Variants in ARHGAP10 observed in about 807,000 individuals in gnomAD.
ARHGAP10 encodes the protein rho GTPase-activating protein 10.
Under a neutral mutation model 108.6 loss-of-function variants are expected in ARHGAP10, and 87 were observed. The ratio of observed to expected loss-of-function variants is 0.80; its 90% CI spans 0.67 to 0.96. ARHGAP10 has a LOEUF of 0.96. Among genes scored for constraint, ARHGAP10 ranks in the 40% least tolerant of loss-of-function variants. The pLI is 0.00. For missense variants in ARHGAP10, 939 were observed against 954.5 expected (o/e 0.98, Z 0.21); for synonymous variants, 347 against 341.1 (o/e 1.02, Z -0.19).
At chr4:147,767,532 C>T (rs954513417) in intron 1 of ARHGAP10, among the ~76,000 whole-genome samples, 17 of 152,038 alleles carry the variant, frequency 1.1e-4, no homozygotes, top group Non-Finnish European at 1.2e-4. Flanking sequence ...ATAAAGAAGA[C>T]TGAGCCTATA....
At chr4:147,798,800 T>C (rs929514145) in intron 1 of ARHGAP10, among the ~76,000 whole-genome samples, 5 of 119,588 alleles carry the variant, frequency 4.2e-5, no homozygotes, top group Non-Finnish European at 8.7e-5. Flanking sequence ...TATATATATA[T>C]ATATATATAT....
At chr4:147,775,134 T>C (rs971872821) in intron 1 of ARHGAP10, among the ~76,000 whole-genome samples, 2 of 152,046 alleles carry the variant, frequency 1.3e-5, no homozygotes, top group Non-Finnish European at 1.5e-5. Context: ...AGGCTGGTCT[T>C]GAACTCCTGA....
chr4:147,922,115 CAGAA>C (rs1410077017), intron 13 of ARHGAP10, among the ~76,000 whole-genome samples: 1 of 151,870 alleles, frequency 6.6e-6, no homozygotes, highest in Non-Finnish European at 1.5e-5. Flanking sequence ...TGTGGGGTGT[CAGAA>C]GGAAGGAATT....
At chr4:147,924,199 A>G (rs1390100331) in intron 13 of ARHGAP10, among the ~76,000 whole-genome samples, 1 of 152,158 alleles carries the variant, frequency 6.6e-6, no homozygotes, top group Non-Finnish European at 1.5e-5. Context: ...TTGTTTCCAA[A>G]TGAATGGTCA....
At chr4:147,939,630 T>G (rs1270213468) in intron 13 of ARHGAP10, among the ~76,000 whole-genome samples, 195 bp from the exon 14 acceptor site, 1 of 152,268 alleles carries the variant, frequency 6.6e-6, no homozygotes, top group Non-Finnish European at 1.5e-5. Flanking sequence ...TTGCTGAGAT[T>G]ATTTTTTTAA....
chr4:147,784,336 TTAAATTATATATAATTTA>T (rs1221188414), intron 1 of ARHGAP10, among the ~76,000 whole-genome samples: 2 of 134,568 alleles, frequency 1.5e-5, no homozygotes, highest in Non-Finnish European at 3.1e-5. Context: ...TTACATAACA[TTAAATTATATATAATTTA>T]TAAATTATAT....
At chr4:147,948,101 C>T (rs577862632) in intron 15 of ARHGAP10, among the ~76,000 whole-genome samples, 41 of 152,082 alleles carry the variant, frequency 2.7e-4, no homozygotes, top group African/African-American at 8.9e-4. Context: ...CCACCATGTC[C>T]GGCTAATTTT....
At chr4:147,862,798 C>T (rs1007017309) in intron 5 of ARHGAP10, 3 of 152,162 alleles carry the variant, frequency 2.0e-5, no homozygotes, top group Admixed American at 6.5e-5. Flanking sequence ...AGAGCCTTTG[C>T]AGTAATAACA....
At chr4:147,850,502 A>G (rs1288662173) in intron 4 of ARHGAP10, among the ~76,000 whole-genome samples, 1 of 151,936 alleles carries the variant, frequency 6.6e-6, no homozygotes, top group Non-Finnish European at 1.5e-5. Flanking sequence ...GGAACAGACA[A>G]CTCTCTATGC....
intron 1 of ARHGAP10, among the ~76,000 whole-genome samples, chr4:147,780,209 C>T (rs7663257): frequency 1.3e-5 from 2 of 152,144 alleles, no homozygotes; most frequent in South Asian, 2.1e-4. Context: ...CGTTTCACTT[C>T]CCCTTTTCTG....
intron 1 of ARHGAP10, among the ~76,000 whole-genome samples, chr4:147,786,556 G>A (rs1344067505): frequency 6.6e-6 from 1 of 152,192 alleles, no homozygotes; most frequent in Non-Finnish European, 1.5e-5. Context: ...AAAATTCCAT[G>A]AAACGTTGAG....
chr4:148,006,000 T>C (rs1043569997), intron 18 of ARHGAP10, among the ~76,000 whole-genome samples: 2 of 152,194 alleles, frequency 1.3e-5, no homozygotes, highest in African/African-American at 2.4e-5. Flanking sequence ...CGCAGAGATA[T>C]GGGGGTCTAA....
At chr4:147,979,846 G>C (rs755439755) in intron 18 of ARHGAP10, among the ~76,000 whole-genome samples, 6 of 152,160 alleles carry the variant, frequency 3.9e-5, no homozygotes, top group Non-Finnish European at 7.4e-5. Context: ...AGATGTTACT[G>C]ATATAAAGAA....
At chr4:148,068,613 G>A (rs934793780) in intron 22 of ARHGAP10, among the ~76,000 whole-genome samples, 2 of 152,176 alleles carry the variant, frequency 1.3e-5, no homozygotes, top group African/African-American at 4.8e-5. Flanking sequence ...ATATGTGCTT[G>A]TGTGACAAAA....
At chr4:147,991,331 A>G (rs1740268141) in intron 18 of ARHGAP10, among the ~76,000 whole-genome samples, 1 of 152,076 alleles carries the variant, frequency 6.6e-6, no homozygotes, top group Non-Finnish European at 1.5e-5. Flanking sequence ...CTGTAGTGAG[A>G]ATATGCAGCC....
At chr4:147,951,536 T>A (rs1473499077) in intron 15 of ARHGAP10, among the ~76,000 whole-genome samples, 1 of 152,098 alleles carries the variant, frequency 6.6e-6, no homozygotes, top group African/African-American at 2.4e-5. Flanking sequence ...TGTTTGTATG[T>A]ATATACTATA....
chr4:148,000,126 C>G (rs1740643824), intron 18 of ARHGAP10, among the ~76,000 whole-genome samples: 1 of 151,900 alleles, frequency 6.6e-6, no homozygotes, highest in Non-Finnish European at 1.5e-5. Context: ...CTTCCTGTGT[C>G]CAAGTGTTCT....
intron 20 of ARHGAP10, among the ~76,000 whole-genome samples, chr4:148,061,797 T>C (rs1480723896): frequency 6.6e-6 from 1 of 152,172 alleles, no homozygotes; most frequent in Non-Finnish European, 1.5e-5. Context: ...TCTGCCTGGC[T>C]TCGTGAGATC....
At chr4:147,981,085 G>C (rs1475476088) in intron 18 of ARHGAP10, among the ~76,000 whole-genome samples, 1 of 152,082 alleles carries the variant, frequency 6.6e-6, no homozygotes. Context: ...TCTGATTTTA[G>C]TTATTTCTTT....
Sources: allele counts gnomAD v4.1 joint callset (sites outside exome capture counted in the v4.1 genomes callset), GRCh38; gene constraint gnomAD v4.1.1; transcripts MANE v1.5; gene names NCBI Gene and HGNC (gene_info 2026-07-23, HGNC 2026-07-21).